MEX3B: variants seen among roughly 807,000 people sequenced by gnomAD.
MEX3B encodes RNA-binding protein MEX3B.
In MEX3B, 10 loss-of-function variants were observed where a neutral mutation model predicts 12.2. The observed-to-expected ratio is 0.82, with a 90% CI of 0.51 to 1.40. MEX3B has a LOEUF of 1.40. Among genes scored for constraint, MEX3B ranks in the 40% most tolerant of loss-of-function variants. The pLI is 0.00. For missense variants in MEX3B, 839 were observed against 801.4 expected (o/e 1.05, Z -0.57); for synonymous variants, 498 against 356.3 (o/e 1.40, Z -4.48).
chr15:82,041,817 A>T lies in MEX3B; in HGVS notation c.*1343T>A, dbSNP rs2073221920. The stretch of plus-strand genomic sequence containing the variant: ...ATATTTTATTTATATAGAAATACTT[A>T]AAAAATGAAGTAGCACCATTACTTA... On this transcript the variant is annotated 3_prime_UTR_variant, in exon 2 of 2. Transcript: ENST00000329713. The T allele has an allele frequency of 6.6e-6, 1 of 152,654 alleles. No individual in the cohort carries two copies. Among genetic ancestry groups the T allele is most frequent in the Non-Finnish European group, 1.5e-5 (1 of 68,036 alleles). The allele number at this position is 152,654 out of a possible 1,614,324, so 9.5% of individuals were successfully genotyped here. A position where few individuals can be genotyped will look rare whatever the true frequency, so the allele number is the denominator to read the frequency against.
Position 82,042,965 on chromosome 15 carries a change from CTTAAAAA to C in MEX3B, c.*188_*194del, listed in dbSNP as rs1275347810. On this transcript the variant is annotated 3_prime_UTR_variant, in exon 2 of 2. Coordinates refer to ENST00000329713, the MANE Select transcript of MEX3B (RefSeq NM_032246.6). The stretch of plus-strand genomic sequence containing the variant: ...GCAGATATCCTGGCAAATTCCTTTA[CTTAAAAA>C]TTAAATTTTAAAAATGAGCGGATAC... 1 of 447,286 alleles carries C rather than the reference CTTAAAAA, an allele frequency of 2.2e-6. No homozygotes were observed. Among genetic ancestry groups the C allele is most frequent in the Non-Finnish European group, 3.8e-6 (1 of 264,074 alleles). The allele number at this position is 447,286 out of a possible 1,614,324, so 27.7% of individuals were successfully genotyped here.
rs1231137481 is a variant in MEX3B at position 82,044,114 on chromosome 15, C to A, written c.756G>T (p.Leu252=). 4.1e-5 allele frequency: 66 copies of A among 1,613,146 alleles called. 1 individual carries two copies. Among genetic ancestry groups the A allele is most frequent in the Non-Finnish European group, 5.6e-5 (66 of 1,179,960 alleles). ...HANGTDVGFD[L]HHGSGGSGPG... ...GGCCGGACCCGCCGGACCCATGATG[C>A]AGATCGAAGCCCACATCGGTGCCGT... is the stretch of plus-strand genomic sequence containing the variant. Residue 252 remains leucine (L), a synonymous_variant, in exon 2 of 2, where the codon CTG becomes CTT. Coordinates refer to ENST00000329713, the MANE Select transcript of MEX3B (RefSeq NM_032246.6). This position sits in a 1 kb window ranked among gnomAD's most constrained non-coding sequence, Gnocchi z 5.3.
chr15:82,044,950 C>G lies in MEX3B; in HGVS notation c.257-337G>C, dbSNP rs1444613174. ...GGGCGCGCCGTCAGCTCTGAAGACA[C>G]GGGGAAGGGGCTCGGGGAAGGCAGC... On this transcript the variant is annotated intron_variant, in intron 1 of 1. Coordinates refer to ENST00000329713, the MANE Select transcript of MEX3B (RefSeq NM_032246.6). The surrounding 1 kb of genome is among the most constrained non-coding windows in gnomAD (Gnocchi z 5.3). 1.0e-5 allele frequency: 6 copies of G among 572,820 alleles called. No homozygotes were observed. The highest frequency in any genetic ancestry group is 8.9e-5 in the East Asian group (3 of 33,734). 35.5% of individuals were successfully genotyped at this position (572,820 alleles called of 1,614,324 possible).
At position 82,041,845 on chromosome 15, in the gene MEX3B, T is replaced by C. The variant is rs1040352498; in HGVS notation, c.*1315A>G. 2 of 152,614 alleles carry C rather than the reference T, an allele frequency of 1.3e-5. No individual in the cohort carries two copies. The highest frequency in any genetic ancestry group is 2.4e-5 in the African/African-American group (1 of 41,448). 9.5% of individuals were successfully genotyped at this position (152,614 alleles called of 1,614,324 possible). ...AAATGAAGTAGCACCATTACTTAAGTTTTACCTTTATTATGTAGAACTTTA... is the reference window on the plus strand; with the variant it reads ...AAATGAAGTAGCACCATTACTTAAGCTTTACCTTTATTATGTAGAACTTTA... On this transcript the variant is annotated 3_prime_UTR_variant, in exon 2 of 2. Transcript: ENST00000329713.
Position 82,044,739 on chromosome 15 carries a change from C to G in MEX3B, c.257-126G>C, listed in dbSNP as rs1038337922. 1.2e-5 allele frequency: 11 copies of G among 928,374 alleles called. No individual in the cohort carries two copies. The highest frequency in any genetic ancestry group is 1.7e-5 in the Non-Finnish European group (10 of 602,290). 57.5% of individuals were successfully genotyped at this position (928,374 alleles called of 1,614,324 possible). On this transcript the variant is annotated intron_variant, in intron 1 of 1. Transcript: ENST00000329713. This position sits in a 1 kb window ranked among gnomAD's most constrained non-coding sequence, Gnocchi z 5.3. ...GCGAGACGGCAGGACAAGAGATGGG[C>G]GGAAAGGGGGCGTCTCCCTCACTGA... is the stretch of plus-strand genomic sequence containing the variant.
rs1370136306 is a variant in MEX3B, at chr15:82,043,355, G to A, written c.1515C>T (p.Ser505=). The A allele has an allele frequency of 3.8e-6, 6 of 1,592,940 alleles. No homozygotes were observed. Among genetic ancestry groups the A allele is most frequent in the East Asian group, 4.5e-5 (2 of 44,700 alleles). ...CTTTACGCCGAAGCCCGGAGGAAGA[G>A]GATGAAGAGCTGGAGGAGGAGCTGG... The part of the protein sequence containing the change: ...SSSSSSSSSS[S]SSSGLRRKGS... The change falls in exon 2 of 2, where the codon TCC becomes TCT. Residue 505 remains serine (S), a synonymous_variant. Transcript: ENST00000329713.
chr15:82,044,700 C>T lies in MEX3B; in HGVS notation c.257-87G>A. On this transcript the variant is annotated intron_variant, in intron 1 of 1. Transcript: ENST00000329713. This position sits in a 1 kb window ranked among gnomAD's most constrained non-coding sequence, Gnocchi z 5.3. ...GGTAACCGCGGGGACCGGGGACAGC[C>T]CGCGTCCAGGACAGCGAGACGGCAG... The T allele has an allele frequency of 7.4e-7, 1 of 1,350,572 alleles. No homozygotes were observed. Among genetic ancestry groups the T allele is most frequent in the Admixed American group, 1.8e-5 (1 of 56,906 alleles). The allele number at this position is 1,350,572 out of a possible 1,614,324, so 83.7% of individuals were successfully genotyped here. A position where few individuals can be genotyped will look rare whatever the true frequency, so the allele number is the denominator to read the frequency against.
At chr15:82,045,420 C>CACCCACCACCCCA in intron 1 of MEX3B, 30 bp downstream of exon 1, 3 of 1,571,956 alleles carry the variant, frequency 1.9e-6, no homozygotes, top group Non-Finnish European at 2.6e-6. Context: ...ACACCACCCC[C>CACCCACCACCCCA]ACCCACCTCC....
Position 82,045,531 on chromosome 15 carries a change from G to C in MEX3B, c.175C>G (p.Pro59Ala). The change falls in exon 1 of 2, where the codon CCG becomes GCG. Residue 59 changes from proline to alanine, a missense_variant. Physicochemically the swap from Pro to Ala is conservative, Grantham distance 27. Coordinates refer to ENST00000329713, the MANE Select transcript of MEX3B (RefSeq NM_032246.6). ...DEGASLYDSE[P>A]RKKSVNMTEC... ...GTCATGTTCACGCTCTTCTTGCGCG[G>C]CTCGCTGTCGTACAGAGAGGCGCCC... The C allele has an allele frequency of 6.2e-7, 1 of 1,612,338 alleles. No individual in the cohort carries two copies. Among genetic ancestry groups the C allele is most frequent in the East Asian group, 2.2e-5 (1 of 44,838 alleles).
In MEX3B at chr15:82,043,669, A is replaced by T; in HGVS notation, c.1201T>A (p.Ser401Thr). The change falls in exon 2 of 2, where the codon TCT (serine) becomes ACT (threonine). Residue 401 changes from serine (S) to threonine (T), a missense_variant. Ser to Thr is a moderately conservative substitution (Grantham distance 58, BLOSUM62 1). Transcript: ENST00000329713. ...ACGGAGGAGGAAGAAGCAGACGAAG[A>T]TGCAGAAGAAGAGCAGGAAGAAGAT... is the stretch of plus-strand genomic sequence containing the variant. ...PVSSSCSSSA[S>T]SSASSSSVVF... The T allele has an allele frequency of 6.2e-7, 1 of 1,610,942 alleles. No homozygotes were observed. The highest frequency in any genetic ancestry group is 8.5e-7 in the Non-Finnish European group (1 of 1,178,598).
Position 82,043,149 on chromosome 15 carries a change from G to T in MEX3B, c.*11C>A, listed in dbSNP as rs370349501. 1 of 1,520,836 alleles carries T rather than the reference G, an allele frequency of 6.6e-7. No homozygotes were observed. The highest frequency in any genetic ancestry group is 1.4e-5 in the African/African-American group (1 of 72,038). 94.2% of individuals were successfully genotyped at this position (1,520,836 alleles called of 1,614,324 possible). A position where few individuals can be genotyped will look rare whatever the true frequency, so the allele number is the denominator to read the frequency against. On this transcript the variant is annotated 3_prime_UTR_variant, in exon 2 of 2. Transcript: ENST00000329713. ...CCCCAGCACGGTGCGCACTAGCAGCGCCCGCTGCCTTTAAGAAAAGATGCG... is the reference window on the plus strand; with the variant it reads ...CCCCAGCACGGTGCGCACTAGCAGCTCCCGCTGCCTTTAAGAAAAGATGCG...
rs1467577995 is a variant in MEX3B at position 82,041,972 on chromosome 15, A to C, written c.*1188T>G. ...GGTTAAAGGCCCTTTATCATAAAAT[A>C]AAATATACTTTGTTTTTTAAACTTT... is the stretch of plus-strand genomic sequence containing the variant. On this transcript the variant is annotated 3_prime_UTR_variant, in exon 2 of 2. Transcript: ENST00000329713. 1 of 152,640 alleles carries C rather than the reference A, an allele frequency of 6.6e-6. No individual in the cohort carries two copies. Among genetic ancestry groups the C allele is most frequent in the African/African-American group, 2.4e-5 (1 of 41,460 alleles). 9.5% of individuals were successfully genotyped at this position (152,640 alleles called of 1,614,324 possible). A position where few individuals can be genotyped will look rare whatever the true frequency, so the allele number is the denominator to read the frequency against.
chr15:82,044,999 G>T lies in MEX3B; in HGVS notation c.257-386C>A. ...GCTGAAGTCGCGATGCCTCAGCGCT[G>T]GTCGACTGGGGGTAGGGGGTGGGGT... On this transcript the variant is annotated intron_variant, in intron 1 of 1. Transcript: ENST00000329713. This position sits in a 1 kb window ranked among gnomAD's most constrained non-coding sequence, Gnocchi z 5.3. 1 of 585,350 alleles carries T rather than the reference G, an allele frequency of 1.7e-6. No homozygotes were observed. The highest frequency in any genetic ancestry group is 3.0e-6 in the Non-Finnish European group (1 of 329,696). 36.3% of individuals were successfully genotyped at this position (585,350 alleles called of 1,614,324 possible).
chr15:82,045,546 G>C lies in MEX3B; in HGVS notation c.160C>G (p.Leu54Val), dbSNP rs2073252202. The stretch of plus-strand genomic sequence containing the variant: ...TTCTTGCGCGGCTCGCTGTCGTACA[G>C]AGAGGCGCCCTCGTCACTGTCCAGC... ...LGLDSDEGAS[L>V]YDSEPRKKSV... The change falls in exon 1 of 2, where the codon CTG (leucine) becomes GTG (valine). Residue 54 changes from leucine (L) to valine (V), a missense_variant. Around this residue, in one of 3 missense-constraint regions of MEX3B, gnomAD observed 214 missense variants for 223.8 expected, o/e 0.96. Transcript: ENST00000329713. 1.2e-6 allele frequency: 2 copies of C among 1,612,088 alleles called. No individual in the cohort carries two copies. The highest frequency in any genetic ancestry group is 1.7e-6 in the Non-Finnish European group (2 of 1,179,838).
In MEX3B at chr15:82,045,900, C is replaced by A; in HGVS notation, c.-195G>T. ...CCGCACCGGGCAGTGGCTGCAGGAGCCCCCACCTGGGTCCCCACCCCAGAC... is the reference window on the plus strand; with the variant it reads ...CCGCACCGGGCAGTGGCTGCAGGAGACCCCACCTGGGTCCCCACCCCAGAC... On this transcript the variant is annotated 5_prime_UTR_variant, in exon 1 of 2. Transcript: ENST00000329713. 3.8e-6 allele frequency: 2 copies of A among 530,514 alleles called. No homozygotes were observed. Among genetic ancestry groups the A allele is most frequent in the Non-Finnish European group, 5.8e-6 (2 of 345,474 alleles). 32.9% of individuals were successfully genotyped at this position (530,514 alleles called of 1,614,324 possible).
chr15:82,042,918 C>T lies in MEX3B; in HGVS notation c.*242G>A, dbSNP rs1453344146. 1 of 372,264 alleles carries T rather than the reference C, an allele frequency of 2.7e-6. No individual in the cohort carries two copies. The highest frequency in any genetic ancestry group is 4.8e-6 in the Non-Finnish European group (1 of 209,656). The allele number at this position is 372,264 out of a possible 1,614,324, so 23.1% of individuals were successfully genotyped here. On this transcript the variant is annotated 3_prime_UTR_variant, in exon 2 of 2. Coordinates refer to ENST00000329713, the MANE Select transcript of MEX3B (RefSeq NM_032246.6). Reference sequence around the variant, plus strand: ...GCATGCATTTCAGGTGTTCAGGTTTCCCAGGCTACAGTACTCTTGATGCAG... The same window carrying T: ...GCATGCATTTCAGGTGTTCAGGTTTTCCAGGCTACAGTACTCTTGATGCAG...
At position 82,043,040 on chromosome 15, in the gene MEX3B, G is replaced by T; in HGVS notation, c.*120C>A. On this transcript the variant is annotated 3_prime_UTR_variant, in exon 2 of 2. Transcript: ENST00000329713. ...CTCTCGGATCTCAGAGTGTTGGTGGGGCCGGGAAGGAGAAGGGAGAGGGGG... is the reference window on the plus strand; with the variant it reads ...CTCTCGGATCTCAGAGTGTTGGTGGTGCCGGGAAGGAGAAGGGAGAGGGGG... The T allele has an allele frequency of 1.3e-6, 1 of 797,174 alleles. No individual in the cohort carries two copies. Among genetic ancestry groups the T allele is most frequent in the Non-Finnish European group, 1.8e-6 (1 of 564,918 alleles). 49.4% of individuals were successfully genotyped at this position (797,174 alleles called of 1,614,324 possible). A position where few individuals can be genotyped will look rare whatever the true frequency, so the allele number is the denominator to read the frequency against.
At position 82,041,980 on chromosome 15, in the gene MEX3B, CT is replaced by C. The variant is rs1165532164; in HGVS notation, c.*1179del. 1 of 152,502 alleles carries C rather than the reference CT, an allele frequency of 6.6e-6. No individual in the cohort carries two copies. The highest frequency in any genetic ancestry group is 1.5e-5 in the Non-Finnish European group (1 of 68,006). 9.4% of individuals were successfully genotyped at this position (152,502 alleles called of 1,614,324 possible). A position where few individuals can be genotyped will look rare whatever the true frequency, so the allele number is the denominator to read the frequency against. ...GCCCTTTATCATAAAATAAAATATA[CT>C]TTGTTTTTTAAACTTTGCTCAGTAA... On this transcript the variant is annotated 3_prime_UTR_variant, in exon 2 of 2. Coordinates refer to ENST00000329713, the MANE Select transcript of MEX3B (RefSeq NM_032246.6).
In MEX3B at chr15:82,045,849, G is replaced by C. The variant is rs896842927; in HGVS notation, c.-144C>G. The C allele has an allele frequency of 1.1e-6, 1 of 904,370 alleles. No individual in the cohort carries two copies. The highest frequency in any genetic ancestry group is 1.8e-5 in the African/African-American group (1 of 56,668). The allele number at this position is 904,370 out of a possible 1,614,324, so 56.0% of individuals were successfully genotyped here. ...GCTCCGTTGCTTCTTCCTCGGTGCTGGGAGGAGTGGGTCGCTCCGTGCGGT... is the reference window on the plus strand; with the variant it reads ...GCTCCGTTGCTTCTTCCTCGGTGCTCGGAGGAGTGGGTCGCTCCGTGCGGT... On this transcript the variant is annotated 5_prime_UTR_variant, in exon 1 of 2. Transcript: ENST00000329713.
Sources: gnomAD v4.1 joint callset for allele counts on GRCh38, gnomAD v4.1.1 for gene constraint, gnomAD v4.1.1 regional missense constraint, Gnocchi (gnomAD v3.1) non-coding constraint, MANE v1.5 for transcripts, NCBI Gene and HGNC (gene_info 2026-07-23, HGNC 2026-07-21) for gene names.